The following PRKG1 variants were observed in gnomAD, a reference collection of about 807,000 sequenced individuals.
PRKG1 encodes cGMP-dependent protein kinase 1.
A neutral mutation model predicts 88.1 loss-of-function variants in PRKG1; 35 were observed. The ratio of observed to expected loss-of-function variants is 0.40; its 90% CI spans 0.30 to 0.53. The LOEUF (loss-of-function observed/expected upper bound fraction) is 0.53, where lower values mean the gene tolerates loss of function less well. Among genes scored for constraint, PRKG1 ranks in the 20% least tolerant of loss-of-function variants. The pLI is 0.59. For missense variants in PRKG1, 540 were observed against 839.8 expected (o/e 0.64, Z 4.41); for synonymous variants, 303 against 292.5 (o/e 1.04, Z -0.37).
At chr10:51,708,609 C>G (rs570082599) in intron 3 of PRKG1, among the ~76,000 whole-genome samples, 2 of 152,202 alleles carry the variant, frequency 1.3e-5, no homozygotes, top group African/African-American at 4.8e-5. Context: ...TCCTATTTCT[C>G]TCTCTAGTCC....
At chr10:51,591,719 T>C (rs546246192) in intron 3 of PRKG1, among the ~76,000 whole-genome samples, 47 of 152,306 alleles carry the variant, frequency 3.1e-4, no homozygotes, top group South Asian at 6.2e-4. Flanking sequence ...TTTGAATATT[T>C]ACATAGATGC....
chr10:51,766,406 G>C (rs1233975970), intron 3 of PRKG1, among the ~76,000 whole-genome samples: 1 of 152,032 alleles, frequency 6.6e-6, no homozygotes, highest in Admixed American at 6.6e-5. Flanking sequence ...TCCATTGTGG[G>C]CATGTCTGGG....
chr10:52,272,343 A>G (rs1285271417), intron 11 of PRKG1, 49 bp from the exon 12 acceptor site: 5 of 1,435,168 alleles, frequency 3.5e-6, no homozygotes, highest in African/African-American at 2.9e-5. Context: ...GCACACTTGT[A>G]AAAGACAGTA....
At chr10:51,433,657 C>A (rs951526364) in intron 2 of PRKG1, among the ~76,000 whole-genome samples, 1 of 152,068 alleles carries the variant, frequency 6.6e-6, no homozygotes, top group Admixed American at 6.6e-5. Flanking sequence ...CACGTCCCAC[C>A]GTGTGGGTGG....
chr10:51,281,089 C>T (rs1054422860), intron 2 of PRKG1, among the ~76,000 whole-genome samples: 1 of 152,192 alleles, frequency 6.6e-6, no homozygotes, highest in African/African-American at 2.4e-5. Context: ...ACAGTCAGGA[C>T]CCTCAGCTGC....
intron 10 of PRKG1, among the ~76,000 whole-genome samples, chr10:52,263,434 C>T (rs1841484807): frequency 6.6e-6 from 1 of 151,936 alleles, no homozygotes; most frequent in South Asian, 2.1e-4. Flanking sequence ...ATTTACATAC[C>T]ATAAAACTTT....
intron 1 of PRKG1, among the ~76,000 whole-genome samples, chr10:51,003,978 T>C (rs1455181128): frequency 5.9e-5 from 9 of 152,330 alleles, no homozygotes; most frequent in African/African-American, 2.2e-4. Context: ...GCAAGTTTTT[T>C]GCAAGCATTC....
At chr10:51,244,757 A>G (rs1251374903) in intron 2 of PRKG1, 1 of 152,100 alleles carries the variant, frequency 6.6e-6, no homozygotes, top group Non-Finnish European at 1.5e-5. Flanking sequence ...ATACCTTGTC[A>G]TAATTTTTCC....
At chr10:51,169,648 T>C (rs914988089) in intron 2 of PRKG1, among the ~76,000 whole-genome samples, 3 of 134,256 alleles carry the variant, frequency 2.2e-5, no homozygotes, top group African/African-American at 1.0e-4. Context: ...GCAAATTATA[T>C]AGTTCAGTGA....
At chr10:51,249,148 T>TA (rs1839366454) in intron 2 of PRKG1, among the ~76,000 whole-genome samples, 1 of 151,896 alleles carries the variant, frequency 6.6e-6, no homozygotes, top group South Asian at 2.1e-4. Context: ...ATGGTTAACT[T>TA]ACGTTTTAAA....
intron 10 of PRKG1, among the ~76,000 whole-genome samples, chr10:52,265,930 A>G (rs1391556789): frequency 2.0e-5 from 3 of 152,100 alleles, no homozygotes; most frequent in Admixed American, 2.0e-4. Context: ...TATAGCACAT[A>G]GCATTTCTTA....
chr10:51,834,142 G>A (rs998741976), intron 4 of PRKG1, among the ~76,000 whole-genome samples: 9 of 151,910 alleles, frequency 5.9e-5, no homozygotes, highest in African/African-American at 2.2e-4. Flanking sequence ...TTATTTTCTT[G>A]TACTTTAGTC....
intron 4 of PRKG1, among the ~76,000 whole-genome samples, chr10:51,896,544 C>CA (rs35027382): frequency 7.1e-6 from 1 of 140,634 alleles, no homozygotes; most frequent in Non-Finnish European, 1.5e-5. Flanking sequence ...CCTGTCTCTA[C>CA]AAAAAAATAA....
intron 1 of PRKG1, among the ~76,000 whole-genome samples, chr10:51,110,096 A>G (rs1307894608): frequency 6.6e-6 from 1 of 152,128 alleles, no homozygotes; most frequent in Non-Finnish European, 1.5e-5. Context: ...TGACGGTGGG[A>G]ATGTAAGATA....
chr10:52,150,183 A>AATAATTATTATTATTATT (rs1554810290), intron 8 of PRKG1, among the ~76,000 whole-genome samples: 11 of 147,974 alleles, frequency 7.4e-5, no homozygotes, highest in Non-Finnish European at 1.3e-4. Context: ...TAATAATAAT[A>AATAATTATTATTATTATT]ATTTGATTGG....
chr10:51,235,982 C>T (rs375149595), intron 2 of PRKG1, among the ~76,000 whole-genome samples: 23 of 152,252 alleles, frequency 1.5e-4, no homozygotes, highest in African/African-American at 5.5e-4. Context: ...CTTGTTAAAA[C>T]AGATTGCTGG....
In PRKG1 at chr10:51,360,739, C is replaced by T. The variant is rs1418287865; in HGVS notation, c.479-106984C>T. Among the ~76,000 whole-genome samples the T allele has an allele frequency of 4.6e-5, 7 of 152,064 alleles. No homozygotes were observed. In the South Asian group the frequency reaches 8.3e-4, roughly 18 times the overall value. On this transcript the variant is annotated intron_variant, in intron 2 of 17. Coordinates refer to ENST00000373980, the MANE Select transcript of PRKG1 (RefSeq NM_006258.4). Reference sequence around the variant, plus strand: ...AGATGAATGCCATTGACCTTCCGCACACTTTAAGTTGTTTCCTTTAGTAGT... The same window carrying T: ...AGATGAATGCCATTGACCTTCCGCATACTTTAAGTTGTTTCCTTTAGTAGT...
At chr10:52,077,229 A>C (rs577709584) in intron 7 of PRKG1, among the ~76,000 whole-genome samples, 5 of 152,210 alleles carry the variant, frequency 3.3e-5, no homozygotes, top group Middle Eastern at 3.2e-3. Context: ...TAGCAATAAA[A>C]ATAGTGAAAT....
chr10:51,195,322 A>G (rs1400660545), intron 2 of PRKG1, among the ~76,000 whole-genome samples: 3 of 152,206 alleles, frequency 2.0e-5, no homozygotes, highest in Non-Finnish European at 4.4e-5. Flanking sequence ...GGTTAGTGTT[A>G]CTGGCACTTG....
Sources: allele counts gnomAD v4.1 joint callset (sites outside exome capture counted in the v4.1 genomes callset), GRCh38; gene constraint gnomAD v4.1.1; transcripts MANE v1.5; gene names NCBI Gene and HGNC (gene_info 2026-07-23, HGNC 2026-07-21).